Variants in EPHB3 observed in about 807,000 individuals in gnomAD.
The protein encoded by EPHB3 is ephrin type-B receptor 3.
In EPHB3, 33 loss-of-function variants were observed where a neutral mutation model predicts 100.2. That is an observed-to-expected ratio of 0.33 (90% CI 0.25 to 0.44). The LOEUF is 0.44. Among genes scored for constraint, EPHB3 ranks in the 20% least tolerant of loss-of-function variants. EPHB3 has a pLI of 1.00. For missense variants in EPHB3, 1,045 were observed against 1,378.3 expected (o/e 0.76, Z 3.83); for synonymous variants, 526 against 554.7 (o/e 0.95, Z 0.73).
chr3:184,579,264 AT>A lies in EPHB3; in HGVS notation c.1802-212del, dbSNP rs769854277. On this transcript the variant is annotated intron_variant, in intron 9 of 15. Transcript: ENST00000330394. The surrounding 1 kb of genome is among the most constrained non-coding windows in gnomAD (Gnocchi z 5.2). ...AGGCATGAATCTGAGAGAGGTCTGG[AT>A]GTGATGAGAGATGAGAGAGAAAAAC... Among the ~76,000 whole-genome samples, 4 of 152,014 alleles carry A rather than the reference AT, an allele frequency of 2.6e-5. No homozygotes were observed. Among genetic ancestry groups the A allele is most frequent in the African/African-American group, 4.8e-5 (2 of 41,364 alleles).
chr3:184,572,545 C>T lies in EPHB3; in HGVS notation c.225C>T (p.Ile75=), dbSNP rs1196796625. ...GCTACGATGAGGCCATGAATCCCATCCGCACATACCAGGTGTGTAATGTGC... is the reference window on the plus strand; with the variant it reads ...GCTACGATGAGGCCATGAATCCCATTCGCACATACCAGGTGTGTAATGTGC... ...VSGYDEAMNP[I]RTYQVCNVRE... is the part of the protein sequence containing the mutation. Residue 75 remains isoleucine, a synonymous_variant, in exon 3 of 16, where the codon ATC becomes ATT. Coordinates refer to ENST00000330394, the MANE Select transcript of EPHB3 (RefSeq NM_004443.4). The surrounding 1 kb of genome is among the most constrained non-coding windows in gnomAD (Gnocchi z 6.6). 4 of 1,556,920 alleles carry T rather than the reference C, an allele frequency of 2.6e-6. No homozygotes were observed. The South Asian group carries it at 5.0e-5, about 20-fold the overall frequency.
chr3:184,570,592 C>T (rs760638983), intron 1 of EPHB3, among the ~76,000 whole-genome samples: 1 of 152,218 alleles, frequency 6.6e-6, no homozygotes, highest in Non-Finnish European at 1.5e-5. Flanking sequence ...CTGTCACTGC[C>T]CTCCCCTTCC....
In EPHB3 at chr3:184,572,354, A is replaced by G. The variant is rs1714561622; in HGVS notation, c.184-150A>G. On this transcript the variant is annotated intron_variant, in intron 2 of 15. Transcript: ENST00000330394. This position sits in a 1 kb window ranked among gnomAD's most constrained non-coding sequence, Gnocchi z 6.6. ...ACCCATAATCACACAGCAGGCAGAG[A>G]GCTGGAATTTGAGCCCATATAGCCT... 3 of 798,404 alleles carry G rather than the reference A, an allele frequency of 3.8e-6. No homozygotes were observed. Among genetic ancestry groups the G allele is most frequent in the Non-Finnish European group, 5.2e-6 (3 of 573,242 alleles). The allele number at this position is 798,404 out of a possible 1,614,324, so 49.5% of individuals were successfully genotyped here.
intron 1 of EPHB3, among the ~76,000 whole-genome samples, chr3:184,564,559 T>C (rs1369839463): frequency 1.3e-5 from 2 of 152,244 alleles, no homozygotes; most frequent in Non-Finnish European, 2.9e-5. Context: ...ATTATTATTG[T>C]TACCCTAGGG....
At position 184,572,754 on chromosome 3, in the gene EPHB3, C is replaced by T; in HGVS notation, c.434C>T (p.Ser145Phe). The stretch of plus-strand genomic sequence containing the variant: ...GCTGACAGCGATGTGGCCTCAGCCT[C>T]CTCCCCCTTCTGGATGGAGAACCCC... ...YEADSDVASA[S>F]SPFWMENPYV... The change falls in exon 3 of 16, where the codon TCC becomes TTC. Residue 145 changes from serine (S) to phenylalanine (F), a missense_variant. Physicochemically the swap from Ser to Phe is radical, Grantham distance 155 (BLOSUM62 -2). Around this residue, in one of 2 missense-constraint regions of EPHB3, gnomAD observed 985 missense variants for 1,331.1 expected, o/e 0.74. Transcript: ENST00000330394. The surrounding 1 kb of genome is among the most constrained non-coding windows in gnomAD (Gnocchi z 6.6). 6.2e-7 allele frequency: 1 copy of T among 1,612,338 alleles called. No homozygotes were observed.
In EPHB3 at chr3:184,574,135, G is replaced by A. The variant is rs536368220; in HGVS notation, c.856+959G>A. 2.0e-5 allele frequency among the ~76,000 whole-genome samples: 3 copies of A among 152,338 alleles called. No individual in the cohort carries two copies. In the South Asian group the frequency reaches 6.2e-4, roughly 32 times the overall value. On this transcript the variant is annotated intron_variant, in intron 3 of 15. Transcript: ENST00000330394. Reference sequence around the variant, plus strand: ...TTATGTGAGCAATGCTTTGCCCGTAGAACAGTGTCTGGCACATGGGAGCAC... The same window carrying A: ...TTATGTGAGCAATGCTTTGCCCGTAAAACAGTGTCTGGCACATGGGAGCAC...
At position 184,562,801 on chromosome 3, in the gene EPHB3, A is replaced by C. The variant is rs954923368; in HGVS notation, c.118+448A>C. ...GCTAATGAGGAGCCCGTTGGAGTTA[A>C]CTGTGAGAGTGTGAGTGCGAGCACC... On this transcript the variant is annotated intron_variant, in intron 1 of 15. Transcript: ENST00000330394. The surrounding 1 kb of genome is among the most constrained non-coding windows in gnomAD (Gnocchi z 4.8). Among the ~76,000 whole-genome samples, 5 of 152,250 alleles carry C rather than the reference A, an allele frequency of 3.3e-5. No individual in the cohort carries two copies. The East Asian group carries it at 9.7e-4, about 29-fold the overall frequency.
chr3:184,576,547 C>T (rs1452229724), intron 4 of EPHB3, among the ~76,000 whole-genome samples: 2 of 152,248 alleles, frequency 1.3e-5, no homozygotes, highest in East Asian at 1.9e-4. Context: ...AGATAATGAC[C>T]GTAATGTACT....
At position 184,579,811 on chromosome 3, in the gene EPHB3, C is replaced by T. The variant is rs751903857; in HGVS notation, c.2049C>T (p.Ala683=). Residue 683 remains alanine, a synonymous_variant, in exon 11 of 16, where the codon GCC becomes GCT. Coordinates refer to ENST00000330394, the MANE Select transcript of EPHB3 (RefSeq NM_004443.4). This position sits in a 1 kb window ranked among gnomAD's most constrained non-coding sequence, Gnocchi z 5.2. ...AGCGGCGGGACTTCCTAAGCGAGGC[C>T]TCCATCATGGGTCAGTTTGATCACC... ...ERQRRDFLSE[A]SIMGQFDHPN... 6 of 1,613,680 alleles carry T rather than the reference C, an allele frequency of 3.7e-6. No individual in the cohort carries two copies. The East Asian group carries it at 1.1e-4, about 30-fold the overall frequency.
At position 184,580,713 on chromosome 3, in the gene EPHB3, G is replaced by A. The variant is rs773915108; in HGVS notation, c.2389-16G>A. On this transcript the variant is annotated splice_polypyrimidine_tract_variant and intron_variant, in intron 12 of 15. Coordinates refer to ENST00000330394, the MANE Select transcript of EPHB3 (RefSeq NM_004443.4). Reference sequence around the variant, plus strand: ...CCCGGAGTCACAGGGTGAAGGGCCTGTGCCCCCCTCACCAGGGCGGGAAGA... The same window carrying A: ...CCCGGAGTCACAGGGTGAAGGGCCTATGCCCCCCTCACCAGGGCGGGAAGA... 4 of 1,613,076 alleles carry A rather than the reference G, an allele frequency of 2.5e-6. No individual in the cohort carries two copies. Among genetic ancestry groups the A allele is most frequent in the Non-Finnish European group, 3.4e-6 (4 of 1,179,542 alleles).
At chr3:184,567,671 G>C (rs998438492) in intron 1 of EPHB3, among the ~76,000 whole-genome samples, 1 of 152,222 alleles carries the variant, frequency 6.6e-6, no homozygotes, top group African/African-American at 2.4e-5. Context: ...GTGACTAAAA[G>C]CATGTCGCCA....
In EPHB3 at chr3:184,578,919, G is replaced by A. The variant is rs111742789; in HGVS notation, c.1801+453G>A. On this transcript the variant is annotated intron_variant, in intron 9 of 15. Transcript: ENST00000330394. The surrounding 1 kb of genome is among the most constrained non-coding windows in gnomAD (Gnocchi z 4.7). ...GAGGAGCCTCTGGAAGGTAGTGGGC[G>A]GGGTGGGGAAGGAGCCCAACTGTGG... 0.016 allele frequency among the ~76,000 whole-genome samples: 2,470 copies of A among 152,158 alleles called. 27 individuals are homozygous for A. The highest frequency in any genetic ancestry group is 0.032 in the South Asian group (153 of 4,828).
Position 184,577,073 on chromosome 3 carries a change from T to C in EPHB3, c.1244T>C (p.Leu415Pro). ...GAGCGCCGGGTCCACATCAGCCATC[T>C]GCTGGCCCACACGCGCTACACCTTT... ...LTERRVHISH[L>P]LAHTRYTFEV... Residue 415 changes from leucine (L) to proline (P), a missense_variant, in exon 5 of 16, where the codon CTG becomes CCG. Physicochemically the swap from Leu to Pro is moderately conservative, Grantham distance 98 (BLOSUM62 -3). Transcript: ENST00000330394. The surrounding 1 kb of genome is among the most constrained non-coding windows in gnomAD (Gnocchi z 4.9). The C allele has an allele frequency of 6.2e-7, 1 of 1,613,716 alleles. No homozygotes were observed. Among genetic ancestry groups the C allele is most frequent in the Non-Finnish European group, 8.5e-7 (1 of 1,179,930 alleles).
rs1008473358 is a variant in EPHB3 at position 184,565,868 on chromosome 3, A to AGCCGAAGCT, written c.118+3529_118+3537dup. On this transcript the variant is annotated intron_variant, in intron 1 of 15. Coordinates refer to ENST00000330394, the MANE Select transcript of EPHB3 (RefSeq NM_004443.4). The surrounding 1 kb of genome is among the most constrained non-coding windows in gnomAD (Gnocchi z 4.8). ...AGCTTCAGCGGCTGCTGCGAGCTGA[A>AGCCGAAGCT]GCCGAAGCTGCCGAAGCTGCCGTGG... Among the ~76,000 whole-genome samples, 8 of 152,252 alleles carry AGCCGAAGCT rather than the reference A, an allele frequency of 5.3e-5. No individual in the cohort carries two copies. The highest frequency in any genetic ancestry group is 2.0e-4 in the Admixed American group (3 of 15,288).
In EPHB3 at chr3:184,578,566, C is replaced by A. The variant is rs1406794920; in HGVS notation, c.1801+100C>A. 2.8e-6 allele frequency: 4 copies of A among 1,450,488 alleles called. No homozygotes were observed. Among genetic ancestry groups the A allele is most frequent in the Non-Finnish European group, 3.8e-6 (4 of 1,048,458 alleles). The allele number at this position is 1,450,488 out of a possible 1,614,324, so 89.9% of individuals were successfully genotyped here. A position where few individuals can be genotyped will look rare whatever the true frequency, so the allele number is the denominator to read the frequency against. ...TGGGACTTCATTCCTTAGAGATAAACCCTGAATGCCCCCTCCCACTTCCAG... is the reference window on the plus strand; with the variant it reads ...TGGGACTTCATTCCTTAGAGATAAAACCTGAATGCCCCCTCCCACTTCCAG... On this transcript the variant is annotated intron_variant, in intron 9 of 15. Transcript: ENST00000330394. The surrounding 1 kb of genome is among the most constrained non-coding windows in gnomAD (Gnocchi z 4.7).
chr3:184,578,024 G>C lies in EPHB3; in HGVS notation c.1748+18G>C, dbSNP rs1428629537. On this transcript the variant is annotated intron_variant, in intron 8 of 15. Transcript: ENST00000330394. The surrounding 1 kb of genome is among the most constrained non-coding windows in gnomAD (Gnocchi z 4.7). Reference sequence around the variant, plus strand: ...TGCCTCAGGTACTCCCAGGCCCACTGTTGCTCCATGGGCCGCCTCGAACTG... The same window carrying C: ...TGCCTCAGGTACTCCCAGGCCCACTCTTGCTCCATGGGCCGCCTCGAACTG... The C allele has an allele frequency of 3.1e-6, 5 of 1,613,182 alleles. No individual in the cohort carries two copies. Among genetic ancestry groups the C allele is most frequent in the Non-Finnish European group, 4.2e-6 (5 of 1,179,548 alleles).
rs150738573 is a variant in EPHB3 at position 184,580,066 on chromosome 3, G to A, written c.2172+132G>A. On this transcript the variant is annotated intron_variant, in intron 11 of 15. Transcript: ENST00000330394. Reference sequence around the variant, plus strand: ...TGAGGTGGCTTGGTGCAGGGAAATGGCAGGGCCTTCATAGCCATAAGTATG... The same window carrying A: ...TGAGGTGGCTTGGTGCAGGGAAATGACAGGGCCTTCATAGCCATAAGTATG... 226 of 1,378,820 alleles carry A rather than the reference G, an allele frequency of 1.6e-4. No individual in the cohort carries two copies. The East Asian group carries it at 4.3e-3, about 26-fold the overall frequency. The allele number at this position is 1,378,820 out of a possible 1,614,324, so 85.4% of individuals were successfully genotyped here.
At position 184,581,121 on chromosome 3, in the gene EPHB3, C is replaced by A; in HGVS notation, c.2688C>A (p.Ile896=). ...SQIVNTLDKL[I]RNAASLKVIA... is the part of the protein sequence containing the mutation. ...TTGTCAATACCCTGGACAAGCTCATCCGCAATGCTGCCAGCCTCAAGGTCA... is the reference window on the plus strand; with the variant it reads ...TTGTCAATACCCTGGACAAGCTCATACGCAATGCTGCCAGCCTCAAGGTCA... The change falls in exon 14 of 16, where the codon ATC becomes ATA. Residue 896 remains isoleucine (I), a synonymous_variant. Transcript: ENST00000330394. 1 of 1,614,224 alleles carries A rather than the reference C, an allele frequency of 6.2e-7. No homozygotes were observed. The highest frequency in any genetic ancestry group is 1.1e-5 in the South Asian group (1 of 91,086).
chr3:184,575,368 A>G (rs1714646878), intron 3 of EPHB3, among the ~76,000 whole-genome samples: 1 of 152,194 alleles, frequency 6.6e-6, no homozygotes, highest in Non-Finnish European at 1.5e-5. Context: ...TTCACTGTGA[A>G]GGTCCCGTCT....
Sources: allele counts gnomAD v4.1 joint callset (sites outside exome capture counted in the v4.1 genomes callset), GRCh38; gene constraint gnomAD v4.1.1; regional missense constraint gnomAD v4.1.1; non-coding constraint Gnocchi (gnomAD v3.1); transcripts MANE v1.5; gene names NCBI Gene and HGNC (gene_info 2026-07-23, HGNC 2026-07-21).